Variants in ADAMTS17 observed in about 807,000 individuals in gnomAD.
ADAMTS17 encodes the protein ADAM metallopeptidase with thrombospondin type 1 motif 17.
Under a neutral mutation model 141.5 loss-of-function variants are expected in ADAMTS17, and 113 were observed. That is an observed-to-expected ratio of 0.80 (90% CI 0.69 to 0.93). ADAMTS17 has a LOEUF of 0.93. Among genes scored for constraint, ADAMTS17 ranks in the 40% least tolerant of loss-of-function variants. ADAMTS17 has a pLI of 0.00. For synonymous variants in ADAMTS17, 768 were observed against 630.6 expected, an observed-to-expected ratio of 1.22 and a Z score of -3.27; for missense variants, 1,659 against 1,517.9, an observed-to-expected ratio of 1.09 and a Z score of -1.54.
chr15:100,190,202 G>T (rs1363297704), intron 8 of ADAMTS17, among the ~76,000 whole-genome samples: 1 of 152,072 alleles, frequency 6.6e-6, no homozygotes, highest in Non-Finnish European at 1.5e-5. Context: ...TCCAAGAAAG[G>T]CCATTCCCAG....
At position 100,149,315 on chromosome 15, in the gene ADAMTS17, A is replaced by G. The variant is rs117518719; in HGVS notation, c.1473+3297T>C. On this transcript the variant is annotated intron_variant, in intron 10 of 21. Transcript: ENST00000268070. ...CTGGTCTTCTGCATTTTCTTCCCCA[A>G]AAGAGCGTGAGTGTGTTGGATAGAG... 9.0e-3 allele frequency among the ~76,000 whole-genome samples: 1,375 copies of G among 152,244 alleles called. 12 individuals carry two copies. Among genetic ancestry groups the G allele is most frequent in the Non-Finnish European group, 0.014 (921 of 68,038 alleles).
At chr15:100,084,369 C>T (rs2034956077) in intron 15 of ADAMTS17, among the ~76,000 whole-genome samples, 1 of 152,206 alleles carries the variant, frequency 6.6e-6, no homozygotes, top group Non-Finnish European at 1.5e-5. Flanking sequence ...TGGAGCCCAC[C>T]ACAGCTCAAG....
intron 3 of ADAMTS17, among the ~76,000 whole-genome samples, chr15:100,320,488 A>C (rs1343141349): frequency 6.6e-6 from 1 of 152,216 alleles, no homozygotes. Flanking sequence ...AGTATCTTTA[A>C]AGTGTGAAGA....
intron 10 of ADAMTS17, among the ~76,000 whole-genome samples, chr15:100,137,848 AACACCC>A (rs1265843384): frequency 6.6e-6 from 1 of 151,474 alleles, no homozygotes; most frequent in Non-Finnish European, 1.5e-5. Context: ...TGCCAACACC[AACACCC>A]ACCCTTTCAC....
intron 15 of ADAMTS17, among the ~76,000 whole-genome samples, chr15:100,069,349 T>C (rs1313616600): frequency 6.6e-6 from 1 of 152,238 alleles, no homozygotes; most frequent in Non-Finnish European, 1.5e-5. Flanking sequence ...ACTTCCCCAA[T>C]CTAGCAAGGC....
At chr15:100,220,099 C>G (rs2042086764) in intron 7 of ADAMTS17, among the ~76,000 whole-genome samples, 1 of 152,116 alleles carries the variant, frequency 6.6e-6, no homozygotes, top group South Asian at 2.1e-4. Context: ...ATCACCAATC[C>G]ATCCACTCAT....
intron 15 of ADAMTS17, among the ~76,000 whole-genome samples, chr15:100,071,751 T>C (rs2033988001): frequency 6.7e-6 from 1 of 149,946 alleles, no homozygotes; most frequent in African/African-American, 2.5e-5. Context: ...TATTGATAGG[T>C]ATCTCAAAAT....
rs1313658993 is a variant in ADAMTS17 at position 100,132,089 on chromosome 15, T to C, written c.1639A>G (p.Ser547Gly). ...PIPEHVDGDW[S>G]PWGAWSMCSR... ...CACATGCTCCAGGCGCCCCACGGGCTCCAGTCTCCGTCCACATGCTCCGGG... is the reference window on the plus strand; with the variant it reads ...CACATGCTCCAGGCGCCCCACGGGCCCCAGTCTCCGTCCACATGCTCCGGG... The change falls in exon 12 of 22, where the codon AGC becomes GGC. Residue 547 changes from serine (S) to glycine (G), a missense_variant. Physicochemically the swap from Ser to Gly is moderately conservative, Grantham distance 56 (BLOSUM62 0). Transcript: ENST00000268070. The C allele has an allele frequency of 6.2e-7, 1 of 1,614,140 alleles. No homozygotes were observed. Among genetic ancestry groups the C allele is most frequent in the Admixed American group, 1.7e-5 (1 of 60,024 alleles).
intron 6 of ADAMTS17, among the ~76,000 whole-genome samples, chr15:100,261,148 T>C (rs2043501345): frequency 6.6e-6 from 1 of 152,198 alleles, no homozygotes. Flanking sequence ...CAAGGTAAGA[T>C]GTGGTCACAC....
rs1016168225 is a variant in ADAMTS17, at chr15:99,993,720, A to G, written c.2797-520T>C. ...GAGGAGGAGGCGGCAGAAGGAAGGA[A>G]AAGCCACAGATGACTTTCTCGTGAG... On this transcript the variant is annotated intron_variant, in intron 19 of 21. Coordinates refer to ENST00000268070, the MANE Select transcript of ADAMTS17 (RefSeq NM_139057.4). The surrounding 1 kb of genome is among the most constrained non-coding windows in gnomAD (Gnocchi z 4.3). Among the ~76,000 whole-genome samples, 2 of 152,210 alleles carry G rather than the reference A, an allele frequency of 1.3e-5. No individual in the cohort carries two copies. Among genetic ancestry groups the G allele is most frequent in the African/African-American group, 2.4e-5 (1 of 41,442 alleles).
chr15:100,131,428 A>T (rs2038039995), intron 12 of ADAMTS17, among the ~76,000 whole-genome samples: 1 of 152,090 alleles, frequency 6.6e-6, no homozygotes. Flanking sequence ...TGGTGATGGA[A>T]TTATCACCAT....
intron 18 of ADAMTS17, among the ~76,000 whole-genome samples, chr15:100,021,790 C>T (rs1330855699): frequency 6.6e-6 from 1 of 152,170 alleles, no homozygotes; most frequent in Non-Finnish European, 1.5e-5. Context: ...CCCTGGCCAG[C>T]CACATGTGCT....
chr15:100,058,167 CT>C, intron 15 of ADAMTS17, among the ~76,000 whole-genome samples: 1 of 146,416 alleles, frequency 6.8e-6, no homozygotes, highest in Admixed American at 6.8e-5. Context: ...AGCTCTAACC[CT>C]CCTATCCCGG....
At chr15:100,215,702 GC>G (rs1160621498) in intron 7 of ADAMTS17, among the ~76,000 whole-genome samples, 5 of 152,038 alleles carry the variant, frequency 3.3e-5, no homozygotes, top group Admixed American at 6.5e-5. Flanking sequence ...GATGCACAAG[GC>G]CCCTGGGCTG....
intron 7 of ADAMTS17, among the ~76,000 whole-genome samples, chr15:100,202,160 C>T (rs950331292): frequency 6.6e-6 from 1 of 152,236 alleles, no homozygotes; most frequent in Non-Finnish European, 1.5e-5. Flanking sequence ...GCCACACAAA[C>T]ACATCCCCCC....
Position 100,318,279 on chromosome 15 carries a change from C to A in ADAMTS17, c.616+12610G>T, listed in dbSNP as rs187909200. On this transcript the variant is annotated intron_variant, in intron 3 of 21. Transcript: ENST00000268070. ...CCAGACAAAATCTAACACCCGCCCCCCCTTATAGTTTTTTAATACCAGGTA... is the reference window on the plus strand; with the variant it reads ...CCAGACAAAATCTAACACCCGCCCCACCTTATAGTTTTTTAATACCAGGTA... Among the ~76,000 whole-genome samples the A allele has an allele frequency of 6.9e-3, 1,037 of 150,414 alleles. 14 individuals are homozygous for A. Among genetic ancestry groups the A allele is most frequent in the African/African-American group, 0.024 (980 of 41,368 alleles).
intron 7 of ADAMTS17, among the ~76,000 whole-genome samples, chr15:100,220,353 G>C (rs2042094866): frequency 6.7e-6 from 1 of 148,726 alleles, no homozygotes; most frequent in South Asian, 2.3e-4. Flanking sequence ...TGCTTTTCTT[G>C]TCTTTGCCAC....
intron 10 of ADAMTS17, among the ~76,000 whole-genome samples, chr15:100,134,898 G>A (rs11634556): frequency 0.38 from 57,964 of 151,986 alleles, 11,489 homozygotes; most frequent in Admixed American, 0.43. Flanking sequence ...GTAAAAAGAT[G>A]AGAGCCCCAG....
intron 10 of ADAMTS17, among the ~76,000 whole-genome samples, chr15:100,150,523 G>A (rs1204168047): frequency 1.3e-5 from 2 of 152,168 alleles, no homozygotes; most frequent in Non-Finnish European, 2.9e-5. Flanking sequence ...GTGTGACAGT[G>A]CAAGGACAAA....
Sources: gnomAD v4.1 joint callset for allele counts (sites outside exome capture counted in the v4.1 genomes callset) on GRCh38, gnomAD v4.1.1 for gene constraint, Gnocchi (gnomAD v3.1) non-coding constraint, MANE v1.5 for transcripts, NCBI Gene and HGNC (gene_info 2026-07-23, HGNC 2026-07-21) for gene names.